Variants in AP5Z1 observed in about 807,000 individuals in gnomAD.
The protein encoded by AP5Z1 is AP-5 complex subunit zeta-1.
Under a neutral mutation model 83.0 loss-of-function variants are expected in AP5Z1, and 106 were observed. That is an observed-to-expected ratio of 1.28 (90% CI 1.09 to 1.50). AP5Z1 has a LOEUF of 1.50. Among genes scored for constraint, AP5Z1 ranks in the 40% most tolerant of loss-of-function variants. The pLI, the probability that AP5Z1 is intolerant of heterozygous loss-of-function variation, is 0.00. For missense variants in AP5Z1, 1,565 were observed against 1,094.2 expected (o/e 1.43, Z -6.07); for synonymous variants, 751 against 514.1 (o/e 1.46, Z -6.23).
rs774163957 is a variant in AP5Z1, at chr7:4,784,278, A to G, written c.697A>G (p.Thr233Ala). ...GGTGCTCTCCAGCGGCCACCGCTTCACAGACGACCAGTGGCTGAACGTGCA... is the reference window on the plus strand; with the variant it reads ...GGTGCTCTCCAGCGGCCACCGCTTCGCAGACGACCAGTGGCTGAACGTGCA... ...FTVLSSGHRFTDDQWLNVQAF... is the reference protein window; with the variant it reads ...FTVLSSGHRFADDQWLNVQAF... The change falls in exon 6 of 17, where the codon ACA becomes GCA. Residue 233 changes from threonine (T) to alanine (A), a missense_variant. By Grantham distance (58) the Thr-to-Ala change is moderately conservative. Transcript: ENST00000649063. 3.7e-6 allele frequency: 6 copies of G among 1,601,770 alleles called. No individual in the cohort carries two copies. In the South Asian group the frequency reaches 5.6e-5, roughly 15 times the overall value.
At chr7:4,783,014 G>A (rs1781425795) in intron 3 of AP5Z1, among the ~76,000 whole-genome samples, 1 of 152,234 alleles carries the variant, frequency 6.6e-6, no homozygotes, top group Admixed American at 6.5e-5. Context: ...CGCAGGACGG[G>A]GTGTCCTGTG....
At chr7:4,786,492 C>T in intron 10 of AP5Z1, 64 bp downstream of exon 10, 2 of 1,581,722 alleles carry the variant, frequency 1.3e-6, no homozygotes, top group Middle Eastern at 1.9e-4. Flanking sequence ...CTCCTCCCCT[C>T]TTTCCAGCGG....
intron 1 of AP5Z1, among the ~76,000 whole-genome samples, chr7:4,777,291 T>A (rs1259762550): frequency 6.6e-6 from 1 of 152,094 alleles, no homozygotes; most frequent in Non-Finnish European, 1.5e-5. Flanking sequence ...AGAACTTCAT[T>A]CCCAGTCACA....
chr7:4,781,264 C>T lies in AP5Z1; in HGVS notation c.131C>T (p.Ser44Phe). The T allele has an allele frequency of 3.1e-6, 5 of 1,613,812 alleles. No individual in the cohort carries two copies. Among genetic ancestry groups the T allele is most frequent in the Non-Finnish European group, 4.2e-6 (5 of 1,179,796 alleles). Residue 44 changes from serine to phenylalanine, a missense_variant, in exon 2 of 17, where the codon TCC (serine) becomes TTC (phenylalanine). Transcript: ENST00000649063. ...AEDLGPDTLD[S>F]LQRLFLIISA... ...GACTTGGGGCCGGACACCCTCGACTCCCTGCAGAGGCTCTTCCTCATCATC... is the reference window on the plus strand; with the variant it reads ...GACTTGGGGCCGGACACCCTCGACTTCCTGCAGAGGCTCTTCCTCATCATC...
chr7:4,779,147 C>T (rs894272364), intron 1 of AP5Z1, among the ~76,000 whole-genome samples: 10 of 140,512 alleles, frequency 7.1e-5, no homozygotes, highest in African/African-American at 2.3e-4. Flanking sequence ...TTATATATAA[C>T]ATATATAACA....
rs1401351328 is a variant in AP5Z1 at position 4,786,437 on chromosome 7, G to T, written c.1311+9G>T. Reference sequence around the variant, plus strand: ...TCCCCAACCTCTTTAAGGTATATTTGGGCATCCCTGGGTGCCAGGGCAGGG... The same window carrying T: ...TCCCCAACCTCTTTAAGGTATATTTTGGCATCCCTGGGTGCCAGGGCAGGG... On this transcript the variant is annotated intron_variant, in intron 10 of 16. Coordinates refer to ENST00000649063, the MANE Select transcript of AP5Z1 (RefSeq NM_014855.3). The T allele has an allele frequency of 1.9e-6, 3 of 1,612,994 alleles. No homozygotes were observed. Among genetic ancestry groups the T allele is most frequent in the African/African-American group, 1.3e-5 (1 of 74,604 alleles).
chr7:4,793,480 G>A lies in AP5Z1; in HGVS notation c.*2095G>A, dbSNP rs533289846. The A allele has an allele frequency of 6.5e-6, 1 of 152,896 alleles. No homozygotes were observed. Among genetic ancestry groups the A allele is most frequent in the African/African-American group, 2.4e-5 (1 of 41,606 alleles). 9.5% of individuals were successfully genotyped at this position (152,896 alleles called of 1,614,324 possible). A position where few individuals can be genotyped will look rare whatever the true frequency, so the allele number is the denominator to read the frequency against. ...ACTGCACTGTGGGAGCCCCTTTCAG[G>A]GCTGGCCAAGGCCGGAGCCGGCTCC... On this transcript the variant is annotated 3_prime_UTR_variant, in exon 17 of 17. Transcript: ENST00000649063.
In AP5Z1 at chr7:4,784,145, G is replaced by A. The variant is rs1025163048; in HGVS notation, c.622-58G>A. On this transcript the variant is annotated intron_variant, in intron 5 of 16. Coordinates refer to ENST00000649063, the MANE Select transcript of AP5Z1 (RefSeq NM_014855.3). ...ACCTCCTGAGGAGCTTGTGCTAAAG[G>A]CTGGCGTTTTTCCCGGCCTCGGCCC... 12 of 1,519,186 alleles carry A rather than the reference G, an allele frequency of 7.9e-6. No homozygotes were observed. The African/African-American group carries it at 1.5e-4, about 19-fold the overall frequency. 94.1% of individuals were successfully genotyped at this position (1,519,186 alleles called of 1,614,324 possible).
intron 14 of AP5Z1, 22 bp from the exon 15 acceptor site, chr7:4,790,437 G>A (rs368648140): frequency 1.5e-5 from 24 of 1,612,792 alleles, no homozygotes; most frequent in African/African-American, 6.7e-5. Context: ...CAGAGCAGGC[G>A]TAGACCCGGC....
intron 10 of AP5Z1, among the ~76,000 whole-genome samples, 187 bp downstream of exon 10, chr7:4,786,615 G>A (rs141843888): frequency 1.8e-3 from 275 of 152,248 alleles, no homozygotes; most frequent in Middle Eastern, 0.01. Context: ...CGTGATTGAC[G>A]GTGCTGTCCA....
chr7:4,778,397 C>T (rs955333280), intron 1 of AP5Z1, among the ~76,000 whole-genome samples: 5 of 152,054 alleles, frequency 3.3e-5, no homozygotes, highest in East Asian at 3.9e-4. Flanking sequence ...CCCGCAAGGT[C>T]GGGGATTTCC....
intron 12 of AP5Z1, 179 bp from the exon 13 acceptor site, chr7:4,788,660 TC>T (rs1781639255): frequency 3.5e-6 from 2 of 576,904 alleles, no homozygotes; most frequent in South Asian, 5.1e-5. Context: ...GGCTTTACTG[TC>T]CCGGGTGTGC....
chr7:4,792,143 T>TGCGGCC lies in AP5Z1; in HGVS notation c.*759_*764dup, dbSNP rs1037259683. On this transcript the variant is annotated 3_prime_UTR_variant, in exon 17 of 17. Coordinates refer to ENST00000649063, the MANE Select transcript of AP5Z1 (RefSeq NM_014855.3). ...CGCGCGAAGGGGAGGTGTCTGGGCGTGCGGCCCCAGCCCCGCCACCTTCCT... is the reference window on the plus strand; with the variant it reads ...CGCGCGAAGGGGAGGTGTCTGGGCGTGCGGCCGCGGCCCCAGCCCCGCCACCTTCCT... 3.3e-5 allele frequency: 5 copies of TGCGGCC among 152,140 alleles called. No homozygotes were observed. Among genetic ancestry groups the TGCGGCC allele is most frequent in the African/African-American group, 1.2e-4 (5 of 41,386 alleles). 9.4% of individuals were successfully genotyped at this position (152,140 alleles called of 1,614,324 possible). A position where few individuals can be genotyped will look rare whatever the true frequency, so the allele number is the denominator to read the frequency against.
chr7:4,792,329 C>T lies in AP5Z1; in HGVS notation c.*944C>T, dbSNP rs1306384386. The T allele has an allele frequency of 6.6e-6, 1 of 151,850 alleles. No homozygotes were observed. Among genetic ancestry groups the T allele is most frequent in the Non-Finnish European group, 1.5e-5 (1 of 67,920 alleles). 9.4% of individuals were successfully genotyped at this position (151,850 alleles called of 1,614,324 possible). A position where few individuals can be genotyped will look rare whatever the true frequency, so the allele number is the denominator to read the frequency against. On this transcript the variant is annotated 3_prime_UTR_variant, in exon 17 of 17. Coordinates refer to ENST00000649063, the MANE Select transcript of AP5Z1 (RefSeq NM_014855.3). The stretch of plus-strand genomic sequence containing the variant: ...CTTCCCCCTCCCCACTCTGGCTCCG[C>T]CCCCGGTCTCCTCTTTTGCTCTGGC...
chr7:4,788,009 C>T (rs946943545), intron 11 of AP5Z1, 145 bp from the exon 12 acceptor site: 4 of 1,327,800 alleles, frequency 3.0e-6, no homozygotes, highest in East Asian at 5.1e-5. Context: ...TCTTCACGCC[C>T]AGGCCTGGAG....
chr7:4,780,731 A>C (rs1178601070), intron 1 of AP5Z1, among the ~76,000 whole-genome samples: 1 of 152,178 alleles, frequency 6.6e-6, no homozygotes, highest in Non-Finnish European at 1.5e-5. Flanking sequence ...ATGACACTAT[A>C]TTCCAGCCCG....
chr7:4,793,150 C>G lies in AP5Z1; in HGVS notation c.*1765C>G, dbSNP rs1281365832. 1 of 152,338 alleles carries G rather than the reference C, an allele frequency of 6.6e-6. No individual in the cohort carries two copies. The highest frequency in any genetic ancestry group is 1.9e-4 in the East Asian group (1 of 5,184). 9.4% of individuals were successfully genotyped at this position (152,338 alleles called of 1,614,324 possible). A position where few individuals can be genotyped will look rare whatever the true frequency, so the allele number is the denominator to read the frequency against. On this transcript the variant is annotated 3_prime_UTR_variant, in exon 17 of 17. Coordinates refer to ENST00000649063, the MANE Select transcript of AP5Z1 (RefSeq NM_014855.3). ...CTCATCCAAGGGACAAGGAGGAGCT[C>G]ATGGCCACAGGGCCTCGGAGGGCAT...
chr7:4,788,505 C>T lies in AP5Z1; in HGVS notation c.1595+211C>T, dbSNP rs183214355. 2.8e-3 allele frequency: 1,730 copies of T among 609,024 alleles called. 7 individuals are homozygous for T. The highest frequency in any genetic ancestry group is 5.9e-3 in the Admixed American group (177 of 29,870). 37.7% of individuals were successfully genotyped at this position (609,024 alleles called of 1,614,324 possible). A position where few individuals can be genotyped will look rare whatever the true frequency, so the allele number is the denominator to read the frequency against. On this transcript the variant is annotated intron_variant, in intron 12 of 16. Coordinates refer to ENST00000649063, the MANE Select transcript of AP5Z1 (RefSeq NM_014855.3). ...CCTGGTCTCAGCTCTCTCTGCTGCC[C>T]ACATCAACCCTCATAAGCTTGGAGG...
At position 4,790,895 on chromosome 7, in the gene AP5Z1, G is replaced by A. The variant is rs189564026; in HGVS notation, c.2153+8G>A. ...CCAAGATCTGATCCCCAGGTGCCTG[G>A]TCAGGGAGGGAGCGAAGCCTTCTGG... On this transcript the variant is annotated splice_region_variant and intron_variant, in intron 16 of 16. Coordinates refer to ENST00000649063, the MANE Select transcript of AP5Z1 (RefSeq NM_014855.3). 105 of 1,592,500 alleles carry A rather than the reference G, an allele frequency of 6.6e-5. No individual in the cohort carries two copies. In the East Asian group the frequency reaches 2.4e-3, roughly 36 times the overall value.
Sources: allele counts gnomAD v4.1 joint callset (sites outside exome capture counted in the v4.1 genomes callset), GRCh38; gene constraint gnomAD v4.1.1; transcripts MANE v1.5; gene names NCBI Gene and HGNC (gene_info 2026-07-23, HGNC 2026-07-21).